AGBL4: variants seen among roughly 807,000 people sequenced by gnomAD.
The protein encoded by AGBL4 is AGBL carboxypeptidase 4.
A neutral mutation model predicts 66.4 loss-of-function variants in AGBL4; 58 were observed. The observed-to-expected ratio is 0.87, with a 90% CI of 0.71 to 1.09. The LOEUF is 1.09. AGBL4 is among the 50% of genes least tolerant of loss of function. The pLI is 0.00. For synonymous variants in AGBL4, 234 were observed against 222.9 expected, an observed-to-expected ratio of 1.05 and a Z score of -0.44; for missense variants, 579 against 631.0, an observed-to-expected ratio of 0.92 and a Z score of 0.88.
chr1:49,761,544 CTTTACCTCTT>C (rs1652317303), intron 2 of AGBL4, among the ~76,000 whole-genome samples: 1 of 152,138 alleles, frequency 6.6e-6, no homozygotes, highest in African/African-American at 2.4e-5. Flanking sequence ...AATTCTTCTT[CTTTACCTCTT>C]TTTGTTCCTT....
chr1:49,647,283 A>G (rs1645908686), intron 3 of AGBL4, among the ~76,000 whole-genome samples: 1 of 152,066 alleles, frequency 6.6e-6, no homozygotes, highest in Non-Finnish European at 1.5e-5. Flanking sequence ...GTAAAAAGCT[A>G]AATAAATTGA....
At chr1:49,674,677 C>G (rs1646546443) in intron 3 of AGBL4, among the ~76,000 whole-genome samples, 1 of 151,250 alleles carries the variant, frequency 6.6e-6, no homozygotes, top group South Asian at 2.1e-4. Flanking sequence ...CTGGTAACAG[C>G]CTAACTATCT....
chr1:49,395,530 A>G (rs1413489332), intron 3 of AGBL4, among the ~76,000 whole-genome samples: 1 of 138,038 alleles, frequency 7.2e-6, no homozygotes, highest in Admixed American at 7.0e-5. Context: ...TTTGCCAAAC[A>G]CTAGTGTGTG....
chr1:48,618,381 G>A (rs898997681), intron 9 of AGBL4, among the ~76,000 whole-genome samples: 2 of 152,164 alleles, frequency 1.3e-5, no homozygotes, highest in Admixed American at 1.3e-4. Flanking sequence ...GAGTGCATGT[G>A]CTCCAAGTTT....
intron 3 of AGBL4, among the ~76,000 whole-genome samples, chr1:49,257,905 G>C (rs1324558741): frequency 1.3e-5 from 2 of 152,114 alleles, no homozygotes; most frequent in African/African-American, 4.8e-5. Context: ...TAACTGGGAG[G>C]CACCCCCCAG....
Position 48,644,172 on chromosome 1 carries a change from A to G in AGBL4, c.839+9165T>C, listed in dbSNP as rs1470161408. On this transcript the variant is annotated intron_variant, in intron 8 of 13. Coordinates refer to ENST00000371839, the MANE Select transcript of AGBL4 (RefSeq NM_032785.4). ...AGAATAGTGTCTGACAGCTATATAC[A>G]TTCAATTAATGTTTCGTATTATTAT... Among the ~76,000 whole-genome samples the G allele has an allele frequency of 2.6e-5, 4 of 152,108 alleles. No individual in the cohort carries two copies. In the East Asian group the frequency reaches 5.8e-4, roughly 22 times the overall value.
rs546534219 is a variant in AGBL4, at chr1:48,633,582, G to T, written c.951+911C>A. Among the ~76,000 whole-genome samples, 5 of 152,298 alleles carry T rather than the reference G, an allele frequency of 3.3e-5. No individual in the cohort carries two copies. In the South Asian group the frequency reaches 1.0e-3, roughly 32 times the overall value. On this transcript the variant is annotated intron_variant, in intron 9 of 13. Transcript: ENST00000371839. ...CACTTTTAGTAAAGCAAAGCTCACA[G>T]CTCACACACACATACTCCATTCTTA...
intron 9 of AGBL4, among the ~76,000 whole-genome samples, chr1:48,620,861 C>T (rs952046752): frequency 2.0e-5 from 3 of 151,996 alleles, no homozygotes; most frequent in Admixed American, 1.3e-4. Flanking sequence ...CCTCACAACA[C>T]TTTTCTAAGA....
chr1:48,941,456 A>C (rs1472952654), intron 5 of AGBL4, among the ~76,000 whole-genome samples: 1 of 152,212 alleles, frequency 6.6e-6, no homozygotes, highest in East Asian at 1.9e-4. Context: ...TCAAAGGAAT[A>C]AAGTTTCAGC....
chr1:48,721,509 C>T (rs560029555), intron 6 of AGBL4, among the ~76,000 whole-genome samples: 2 of 152,280 alleles, frequency 1.3e-5, no homozygotes, highest in South Asian at 4.1e-4. Flanking sequence ...GTTGGCAATA[C>T]GGGCTCACTA....
At chr1:49,547,131 T>A (rs1309582511) in intron 3 of AGBL4, among the ~76,000 whole-genome samples, 2 of 152,244 alleles carry the variant, frequency 1.3e-5, no homozygotes, top group Non-Finnish European at 2.9e-5. Flanking sequence ...ATTTTCATAG[T>A]TTCATGTCTT....
intron 3 of AGBL4, among the ~76,000 whole-genome samples, chr1:49,694,758 A>G (rs947495369): frequency 6.6e-6 from 1 of 152,220 alleles, no homozygotes; most frequent in Non-Finnish European, 1.5e-5. Context: ...AACAACAAAA[A>G]GAACATCCTC....
rs969547804 is a variant in AGBL4 at position 49,426,572 on chromosome 1, A to G, written c.283-180708T>C. Among the ~76,000 whole-genome samples the G allele has an allele frequency of 3.3e-5, 5 of 152,176 alleles. No homozygotes were observed. In the South Asian group the frequency reaches 6.2e-4, roughly 19 times the overall value. On this transcript the variant is annotated intron_variant, in intron 3 of 13. Coordinates refer to ENST00000371839, the MANE Select transcript of AGBL4 (RefSeq NM_032785.4). ...TTGTTCTGTGCCTGCCCCAGTGCAA[A>G]GTAATTTACTTTCATATTTCAGTTG...
At chr1:49,660,070 G>T (rs1221447014) in intron 3 of AGBL4, among the ~76,000 whole-genome samples, 2 of 152,026 alleles carry the variant, frequency 1.3e-5, no homozygotes, top group African/African-American at 4.8e-5. Context: ...ATCACAAAAA[G>T]CAATTGCAAC....
At chr1:49,851,668 C>T in intron 1 of AGBL4, 150 bp from the exon 2 acceptor site, 1 of 726,106 alleles carries the variant, frequency 1.4e-6, no homozygotes, top group East Asian at 3.0e-5. Context: ...TGAAAAAAGG[C>T]TACATTTTGA....
intron 3 of AGBL4, among the ~76,000 whole-genome samples, chr1:49,379,315 C>A (rs936508519): frequency 5.9e-5 from 9 of 152,110 alleles, no homozygotes; most frequent in Non-Finnish European, 1.0e-4. Flanking sequence ...TGCATTCTTA[C>A]CTCACCAATT....
intron 3 of AGBL4, among the ~76,000 whole-genome samples, chr1:49,459,245 G>C (rs1460201894): frequency 1.3e-5 from 2 of 151,250 alleles, no homozygotes; most frequent in African/African-American, 2.4e-5. Context: ...AACTTCTTTT[G>C]GTTTGGCAAT....
chr1:49,117,710 T>C (rs1645557585), intron 4 of AGBL4, among the ~76,000 whole-genome samples: 2 of 152,222 alleles, frequency 1.3e-5, no homozygotes, highest in African/African-American at 4.8e-5. Context: ...TGGGCTCTTT[T>C]TTGGTTCCAT....
chr1:49,258,204 GA>G (rs1652731430), intron 3 of AGBL4, among the ~76,000 whole-genome samples: 1 of 152,076 alleles, frequency 6.6e-6, no homozygotes, highest in African/African-American at 2.4e-5. Flanking sequence ...CAAAGATGAG[GA>G]AAAAACAGAG....
Sources: gnomAD v4.1 joint callset for allele counts (sites outside exome capture counted in the v4.1 genomes callset) on GRCh38, gnomAD v4.1.1 for gene constraint, MANE v1.5 for transcripts, NCBI Gene and HGNC (gene_info 2026-07-23, HGNC 2026-07-21) for gene names.